Variants in GALNTL6 observed in about 807,000 individuals in gnomAD.
The protein encoded by GALNTL6 is polypeptide N-acetylgalactosaminyltransferase like 6.
A neutral mutation model predicts 73.7 loss-of-function variants in GALNTL6; 46 were observed. The observed-to-expected ratio is 0.62, with a 90% CI of 0.49 to 0.80. The LOEUF (loss-of-function observed/expected upper bound fraction) is 0.80. GALNTL6 is among the 30% of genes least tolerant of loss of function. The probability of loss-of-function intolerance (pLI) is 0.00; values close to 1 mark genes in which losing one functional copy is unlikely to be tolerated. For missense variants in GALNTL6, 604 were observed against 755.0 expected, an observed-to-expected ratio of 0.80 and a Z score of 2.34; for synonymous variants, 259 against 263.7, an observed-to-expected ratio of 0.98 and a Z score of 0.17.
chr4:172,722,014 T>C (rs1735508718), intron 5 of GALNTL6, among the ~76,000 whole-genome samples: 2 of 149,896 alleles, frequency 1.3e-5, no homozygotes, highest in African/African-American at 2.5e-5. Flanking sequence ...AAATCGTGAC[T>C]CCCTAATTTA....
chr4:171,968,112 C>T (rs189357545), intron 2 of GALNTL6, among the ~76,000 whole-genome samples: 1 of 152,204 alleles, frequency 6.6e-6, no homozygotes, highest in East Asian at 1.9e-4. Flanking sequence ...GTTATCTTCC[C>T]TCTCCACTTT....
intron 7 of GALNTL6, among the ~76,000 whole-genome samples, chr4:172,814,313 A>T (rs1741479183): frequency 6.6e-6 from 1 of 152,210 alleles, no homozygotes. Context: ...AATGTACAGC[A>T]ATGATCTAAT....
intron 3 of GALNTL6, among the ~76,000 whole-genome samples, chr4:172,241,472 A>G (rs1317214651): frequency 6.6e-6 from 1 of 152,234 alleles, no homozygotes; most frequent in Non-Finnish European, 1.5e-5. Context: ...CTGTGCCCTT[A>G]GAGTTAAACC....
At chr4:172,699,711 A>G (rs1733915087) in intron 5 of GALNTL6, among the ~76,000 whole-genome samples, 2 of 152,228 alleles carry the variant, frequency 1.3e-5, no homozygotes, top group Non-Finnish European at 2.9e-5. Context: ...TAAGATTTGC[A>G]GTAGATTTGC....
intron 2 of GALNTL6, among the ~76,000 whole-genome samples, chr4:171,931,769 T>C (rs536925087): frequency 2.6e-5 from 4 of 152,240 alleles, no homozygotes; most frequent in Non-Finnish European, 5.9e-5. Flanking sequence ...TTTTGAACTG[T>C]GTTCAGTATA....
At chr4:172,164,595 T>G (rs914698224) in intron 2 of GALNTL6, among the ~76,000 whole-genome samples, 2 of 151,996 alleles carry the variant, frequency 1.3e-5, no homozygotes, top group African/African-American at 4.8e-5. Context: ...TACCTTACCC[T>G]TATTACTATA....
At chr4:172,540,141 C>T (rs1429082233) in intron 5 of GALNTL6, among the ~76,000 whole-genome samples, 1 of 150,720 alleles carries the variant, frequency 6.6e-6, no homozygotes, top group Non-Finnish European at 1.5e-5. Context: ...ACCTCTGCCT[C>T]CCAGGTTCAA....
chr4:172,346,771 A>G (rs956986484), intron 4 of GALNTL6, among the ~76,000 whole-genome samples: 1 of 152,158 alleles, frequency 6.6e-6, no homozygotes, highest in African/African-American at 2.4e-5. Context: ...GAATGAATGA[A>G]TAGAATGGAT....
chr4:171,855,466 G>A (rs7698072), intron 2 of GALNTL6, among the ~76,000 whole-genome samples: 3,727 of 152,024 alleles, frequency 0.025, 160 homozygotes, highest in African/African-American at 0.085. Context: ...ATTTCTTTTT[G>A]TTGCTCAATA....
chr4:172,705,607 T>C (rs1734302972), intron 5 of GALNTL6, among the ~76,000 whole-genome samples: 1 of 152,056 alleles, frequency 6.6e-6, no homozygotes, highest in Non-Finnish European at 1.5e-5. Context: ...GTGGATTTTT[T>C]TTGGTTGTAT....
intron 2 of GALNTL6, among the ~76,000 whole-genome samples, chr4:171,848,749 T>A (rs1735443426): frequency 6.6e-6 from 1 of 152,330 alleles, no homozygotes; most frequent in East Asian, 1.9e-4. Flanking sequence ...CTTCATAGCA[T>A]TGTAGAGAGC....
chr4:172,270,021 C>T (rs1388344046), intron 3 of GALNTL6, among the ~76,000 whole-genome samples: 1 of 152,102 alleles, frequency 6.6e-6, no homozygotes, highest in Non-Finnish European at 1.5e-5. Flanking sequence ...CAGGTATGAG[C>T]CACCATGCCT....
chr4:172,980,646 G>A (rs1399377689), intron 10 of GALNTL6, among the ~76,000 whole-genome samples: 2 of 152,044 alleles, frequency 1.3e-5, no homozygotes, highest in Admixed American at 6.6e-5. Flanking sequence ...GCGGGCGAGG[G>A]GAAAAGACCC....
At position 172,348,646 on chromosome 4, in the gene GALNTL6, T is replaced by G; in HGVS notation, c.510T>G (p.Ser170Arg). The G allele has an allele frequency of 6.2e-7, 1 of 1,611,094 alleles. No individual in the cohort carries two copies. The highest frequency in any genetic ancestry group is 8.5e-7 in the Non-Finnish European group (1 of 1,178,404). ...IHSIINRTPGSLIAEIILVDD... is the reference protein window; with the variant it reads ...IHSIINRTPGRLIAEIILVDD... ...GTATAATTAACCGAACCCCAGGGAG[T>G]CTGATAGCAGAAATCATTCTAGTAG... is the stretch of plus-strand genomic sequence containing the variant. The change falls in exon 5 of 13, where the codon AGT becomes AGG. Residue 170 changes from serine to arginine, a missense_variant. Physicochemically the swap from Ser to Arg is moderately radical, Grantham distance 110 (BLOSUM62 -1). Coordinates refer to ENST00000506823, the MANE Select transcript of GALNTL6 (RefSeq NM_001034845.3).
At chr4:172,052,575 G>A in intron 2 of GALNTL6, 1 of 1,367,800 alleles carries the variant, frequency 7.3e-7, no homozygotes, top group East Asian at 2.5e-5. Flanking sequence ...ACCAAGACAA[G>A]ATAGGGTGGT....
At chr4:173,006,286 T>C (rs1479925009) in intron 10 of GALNTL6, among the ~76,000 whole-genome samples, 1 of 152,204 alleles carries the variant, frequency 6.6e-6, no homozygotes, top group Non-Finnish European at 1.5e-5. Flanking sequence ...CTGATACTGG[T>C]TCTCTAAGAA....
intron 2 of GALNTL6, among the ~76,000 whole-genome samples, chr4:172,054,396 C>T (rs983214120): frequency 2.6e-5 from 4 of 152,086 alleles, no homozygotes; most frequent in African/African-American, 9.7e-5. Flanking sequence ...ATTTAGGCTG[C>T]TATAATGAAA....
chr4:173,010,157 C>A (rs1240505257), intron 11 of GALNTL6, among the ~76,000 whole-genome samples: 1 of 152,128 alleles, frequency 6.6e-6, no homozygotes, highest in Non-Finnish European at 1.5e-5. Context: ...CACCTCACAC[C>A]CTCCCACTAC....
At chr4:172,447,637 G>T (rs570686075) in intron 5 of GALNTL6, among the ~76,000 whole-genome samples, 2 of 151,964 alleles carry the variant, frequency 1.3e-5, no homozygotes, top group Admixed American at 6.6e-5. Flanking sequence ...ATGCATTTAC[G>T]GCCAGTGTCA....
Sources: allele counts gnomAD v4.1 joint callset (sites outside exome capture counted in the v4.1 genomes callset), GRCh38; gene constraint gnomAD v4.1.1; transcripts MANE v1.5; gene names NCBI Gene and HGNC (gene_info 2026-07-23, HGNC 2026-07-21).